DMD: variants seen among roughly 807,000 people sequenced by gnomAD.
DMD encodes the protein mutant dystrophin.
Under a neutral mutation model 330.1 loss-of-function variants are expected in DMD, and 63 were observed. The observed-to-expected ratio is 0.19, with a 90% CI of 0.16 to 0.24. The LOEUF is 0.24. Ranked by LOEUF, DMD falls within the 10% of genes least tolerant of loss-of-function variation. DMD has a pLI of 1.00. For missense variants in DMD, 3,344 were observed against 2,684.1 expected (o/e 1.25, Z -5.43); for synonymous variants, 1,223 against 959.8 (o/e 1.27, Z -5.07).
intron 44 of DMD, among the ~76,000 whole-genome samples, chrX:32,203,951 C>T (rs1212802635): frequency 9.0e-6 from 1 of 111,388 alleles, no homozygotes; most frequent in African/African-American, 3.3e-5. Flanking sequence ...TATGTTATGT[C>T]TCAACTTTAC....
intron 2 of DMD, among the ~76,000 whole-genome samples, chrX:32,981,771 T>C (rs1254257676): frequency 1.8e-5 from 2 of 111,097 alleles, no homozygotes; most frequent in Non-Finnish European, 3.8e-5. Flanking sequence ...CAGTTGAAAA[T>C]AGTGCATATA....
chrX:31,549,326 G>GA lies in DMD; in HGVS notation c.8218-41874dup, dbSNP rs755044016. On this transcript the variant is annotated intron_variant, in intron 55 of 78. Transcript: ENST00000357033. ...AATCAGGACTGAGAACAACTACCCT[G>GA]AAAAAAAAAAATGGATTACTTTAGA... Among the ~76,000 whole-genome samples, 561 of 103,535 alleles carry GA rather than the reference G, an allele frequency of 5.4e-3. 3 individuals are homozygous for GA. The highest frequency in any genetic ancestry group is 1.0e-2 in the Middle Eastern group (2 of 201). The allele number at this position is 103,535 out of a possible 115,157, so 89.9% of individuals were successfully genotyped here.
chrX:33,257,124 A>G (rs2052871283), intron 1 of DMD, among the ~76,000 whole-genome samples: 1 of 110,948 alleles, frequency 9.0e-6, no homozygotes, highest in African/African-American at 3.2e-5. Flanking sequence ...TCCATTTCTG[A>G]GAAACACTCA....
chrX:31,952,249 GAA>G (rs2095191395), intron 45 of DMD, among the ~76,000 whole-genome samples: 1 of 111,238 alleles, frequency 9.0e-6, no homozygotes, highest in South Asian at 3.8e-4. Context: ...CCGTATTTGT[GAA>G]GTGTTTGGCC....
chrX:33,041,996 T>A (rs1322404457), intron 1 of DMD, among the ~76,000 whole-genome samples: 1 of 111,464 alleles, frequency 9.0e-6, no homozygotes, highest in Non-Finnish European at 1.9e-5. Context: ...AAAATGCTAC[T>A]TATGTGCTCA....
chrX:31,456,836 A>ATGTGTGTGTGTGTGTGTG (rs5901988), intron 59 of DMD, among the ~76,000 whole-genome samples: 3 of 83,265 alleles, frequency 3.6e-5, no homozygotes, highest in African/African-American at 4.7e-5. Flanking sequence ...GCCCACATAT[A>ATGTGTGTGTGTGTGTGTG]TGTGTGTGTG....
intron 17 of DMD, among the ~76,000 whole-genome samples, chrX:32,542,014 C>A (rs932609595): frequency 6.3e-5 from 7 of 111,319 alleles, no homozygotes; most frequent in African/African-American, 1.6e-4. Context: ...GATGCACAAG[C>A]GGAAATAGCT....
intron 60 of DMD, among the ~76,000 whole-genome samples, chrX:31,350,267 C>G (rs2058320482): frequency 9.0e-6 from 1 of 111,373 alleles, no homozygotes; most frequent in Non-Finnish European, 1.9e-5. Context: ...GCTCTTACCC[C>G]ACTTCTCTCC....
chrX:32,736,875 C>G (rs1378855018), intron 7 of DMD, among the ~76,000 whole-genome samples: 1 of 109,787 alleles, frequency 9.1e-6, no homozygotes, highest in African/African-American at 3.3e-5. Context: ...ATGTAACTAA[C>G]CTGCACAATG....
intron 2 of DMD, among the ~76,000 whole-genome samples, chrX:32,944,498 G>C (rs2090648272): frequency 9.0e-6 from 1 of 111,270 alleles, no homozygotes; most frequent in South Asian, 3.7e-4. Context: ...TTCTTTCATA[G>C]TCCATCTCTA....
intron 1 of DMD, among the ~76,000 whole-genome samples, chrX:33,054,176 T>C (rs904565276): frequency 7.1e-5 from 8 of 112,027 alleles, no homozygotes; most frequent in African/African-American, 1.9e-4. Flanking sequence ...ATCAGTTAAT[T>C]GTTCAACTTA....
intron 7 of DMD, among the ~76,000 whole-genome samples, chrX:32,719,526 T>C (rs918839588): frequency 8.1e-5 from 9 of 111,567 alleles, no homozygotes; most frequent in African/African-American, 2.6e-4. Context: ...GAAACCTTAG[T>C]ATTGCAAAGT....
At chrX:31,169,194 A>G (rs962062841) in intron 74 of DMD, among the ~76,000 whole-genome samples, 2 of 111,211 alleles carry the variant, frequency 1.8e-5, no homozygotes, top group Non-Finnish European at 3.8e-5. Context: ...GCAACAAGTC[A>G]AATACCACCA....
intron 42 of DMD, among the ~76,000 whole-genome samples, chrX:32,288,517 G>A (rs1311862955): frequency 1.8e-5 from 2 of 111,029 alleles, no homozygotes; most frequent in East Asian, 5.7e-4. Context: ...CTATCTAAAT[G>A]GTCCTCTTGC....
chrX:33,073,660 G>A (rs766394514), intron 1 of DMD, among the ~76,000 whole-genome samples: 4 of 110,094 alleles, frequency 3.6e-5, no homozygotes, highest in Admixed American at 1.9e-4. Context: ...GTGAAACCCC[G>A]TCTCTACTAA....
intron 7 of DMD, among the ~76,000 whole-genome samples, chrX:32,745,269 G>T (rs765145366): frequency 1.8e-5 from 2 of 112,105 alleles, no homozygotes; most frequent in East Asian, 5.6e-4. Context: ...CCATACAAAT[G>T]CTCTATAAAA....
intron 60 of DMD, among the ~76,000 whole-genome samples, chrX:31,396,515 C>T (rs926723706): frequency 9.5e-6 from 1 of 105,628 alleles, no homozygotes; most frequent in Non-Finnish European, 1.9e-5. Context: ...CTCACCCATA[C>T]GTCAATTCTA....
rs190646351 is a variant in DMD, at chrX:32,932,234, C to T, written c.94-82414G>A. ...AATTGTATTTTGTAAGGTGGGGTCA[C>T]AAATCCTTTCCTGTTTCAAACTGAT... On this transcript the variant is annotated intron_variant, in intron 2 of 78. Coordinates refer to ENST00000357033, the MANE Select transcript of DMD (RefSeq NM_004006.3). Among the ~76,000 whole-genome samples, 5 of 112,300 alleles carry T rather than the reference C, an allele frequency of 4.5e-5. No homozygotes were observed. The East Asian group carries it at 1.4e-3, about 31-fold the overall frequency.
intron 15 of DMD, among the ~76,000 whole-genome samples, chrX:32,567,836 GTATATTC>G (rs2051914476): frequency 8.9e-6 from 1 of 112,124 alleles, no homozygotes; most frequent in Non-Finnish European, 1.9e-5. Flanking sequence ...GAATTTCAAT[GTATATTC>G]CTCCAGTTAT....
Sources: allele counts gnomAD v4.1 joint callset (sites outside exome capture counted in the v4.1 genomes callset), GRCh38; gene constraint gnomAD v4.1.1; transcripts MANE v1.5; gene names NCBI Gene and HGNC (gene_info 2026-07-23, HGNC 2026-07-21).